Variants in RNF145 observed in about 807,000 individuals in gnomAD.
RNF145 encodes the protein ring finger protein 145.
A neutral mutation model predicts 57.3 loss-of-function variants in RNF145; 12 were observed. The observed-to-expected ratio is 0.21, with a 90% confidence interval of 0.13 to 0.34. The LOEUF (loss-of-function observed/expected upper bound fraction) is 0.34. Ranked by LOEUF, RNF145 falls within the 10% of genes least tolerant of loss-of-function variation. The pLI is 1.00. For synonymous variants in RNF145, 262 were observed against 288.3 expected (o/e 0.91, Z 0.92); for missense variants, 429 against 799.0 (o/e 0.54, Z 5.58).
chr5:159,162,415 G>A (rs1278644372), intron 9 of RNF145, among the ~76,000 whole-genome samples: 1 of 138,688 alleles, frequency 7.2e-6, no homozygotes, highest in Non-Finnish European at 1.5e-5. Flanking sequence ...ATAGGTTTAT[G>A]TAATATTTTC....
intron 1 of RNF145, among the ~76,000 whole-genome samples, chr5:159,204,357 CCT>C (rs1471712932): frequency 6.6e-6 from 1 of 151,790 alleles, no homozygotes; most frequent in Non-Finnish European, 1.5e-5. Flanking sequence ...GTCTGCAGCC[CCT>C]GTCTCTGCAC....
In RNF145 at chr5:159,157,894, T is replaced by A. The variant is rs570135166; in HGVS notation, c.*776A>T. 1 of 152,870 alleles carries A rather than the reference T, an allele frequency of 6.5e-6. No individual in the cohort carries two copies. The highest frequency in any genetic ancestry group is 2.4e-5 in the African/African-American group (1 of 41,566). The allele number at this position is 152,870 out of a possible 1,614,324, so 9.5% of individuals were successfully genotyped here. On this transcript the variant is annotated 3_prime_UTR_variant, in exon 11 of 11. Transcript: ENST00000424310. ...TTTGGTCTCCTTCACTAAAGCAGAC[T>A]CCAAAGTGTTCATCAGAGTTTTAGT...
At position 159,209,505 on chromosome 5, in the gene RNF145, C is replaced by CGGCGGCGGCGGCGGG. The variant is rs1184051017; in HGVS notation, c.-315_-314insCCCGCCGCCGCCGCC. 141 of 833,644 alleles carry CGGCGGCGGCGGCGGG rather than the reference C, an allele frequency of 1.7e-4. No individual in the cohort carries two copies. In the South Asian group the frequency reaches 4.6e-3, roughly 27 times the overall value. 51.6% of individuals were successfully genotyped at this position (833,644 alleles called of 1,614,324 possible). ...GCCCCTTAGCAGCCGGCGCCGGCGT[C>CGGCGGCGGCGGCGGG]GGCGGCCATGGCCTCCTGCGTTTGC... On this transcript the variant is annotated 5_prime_UTR_variant, in exon 1 of 11. Transcript: ENST00000424310.
intron 1 of RNF145, chr5:159,207,691 C>T (rs1283869833): frequency 1.2e-6 from 2 of 1,611,784 alleles, no homozygotes; most frequent in African/African-American, 1.3e-5. Flanking sequence ...TAAGCAATGG[C>T]ACATGTTTTA....
At chr5:159,181,873 T>C in intron 4 of RNF145, 87 bp downstream of exon 4, 1 of 774,352 alleles carries the variant, frequency 1.3e-6, no homozygotes, top group Non-Finnish European at 2.2e-6. Context: ...GAATTCCGTT[T>C]TAAAAAAAAA....
chr5:159,190,262 G>GATCA (rs767357377), intron 3 of RNF145, among the ~76,000 whole-genome samples: 4 of 152,152 alleles, frequency 2.6e-5, no homozygotes, highest in Non-Finnish European at 5.9e-5. Context: ...TCCAACTCTT[G>GATCA]AGCTCAAGCA....
chr5:159,179,892 A>C (rs1046780864), intron 4 of RNF145, among the ~76,000 whole-genome samples: 5 of 152,144 alleles, frequency 3.3e-5, no homozygotes, highest in Non-Finnish European at 7.4e-5. Flanking sequence ...ATAATAACTG[A>C]AACTTTCAAA....
At chr5:159,201,913 T>G (rs973066501) in intron 2 of RNF145, among the ~76,000 whole-genome samples, 2 of 152,226 alleles carry the variant, frequency 1.3e-5, no homozygotes, top group East Asian at 1.9e-4. Context: ...AAGGTGAAAT[T>G]TGATTTGTAT....
intron 7 of RNF145, 113 bp downstream of exon 7, chr5:159,169,566 A>C (rs1203456213): frequency 2.4e-6 from 2 of 846,772 alleles, no homozygotes; most frequent in Non-Finnish European, 3.5e-6. Flanking sequence ...ATTCAAAAAA[A>C]ACCTCTCCAA....
At chr5:159,209,165 G>C (rs1467787864) in intron 1 of RNF145, 66 bp downstream of exon 1, 43 of 642,262 alleles carry the variant, frequency 6.7e-5, no homozygotes, top group Non-Finnish European at 8.1e-5. Flanking sequence ...GGGGAGGGGA[G>C]GGAGGCCGTG....
chr5:159,174,063 A>T lies in RNF145; in HGVS notation c.717T>A (p.Phe239Leu). 1 of 1,613,720 alleles carries T rather than the reference A, an allele frequency of 6.2e-7. No individual in the cohort carries two copies. The highest frequency in any genetic ancestry group is 1.1e-5 in the South Asian group (1 of 91,068). The change falls in exon 6 of 11, where the codon TTT becomes TTA. Residue 239 changes from phenylalanine (F) to leucine (L), a missense_variant. Physicochemically the swap from Phe to Leu is conservative, Grantham distance 22. This residue lies in a region of RNF145 where 216 missense variants were observed against 457.6 expected (regional missense o/e 0.47). Coordinates refer to ENST00000424310, the MANE Select transcript of RNF145 (RefSeq NM_001199383.2). The part of the protein sequence containing the change: ...VLFMVFWLVL[F>L]ALQIYSYFST... ...TGAAATAGGAGTAAATCTGAAGAGC[A>T]AATAAGACGAGCCAGAAAACCATGA...
upstream of RNF145, chr5:159,209,607 C>T: frequency 3.8e-6 from 4 of 1,060,472 alleles, no homozygotes; most frequent in Non-Finnish European, 4.6e-6. Context: ...CCAGCCAGCG[C>T]GGCGCGCCCC....
intron 1 of RNF145, among the ~76,000 whole-genome samples, chr5:159,204,343 T>C (rs963813827): frequency 4.6e-5 from 7 of 151,652 alleles, no homozygotes; most frequent in Admixed American, 6.6e-5. Context: ...ACGCCAGGCA[T>C]TGAGTCTGCA....
chr5:159,183,374 A>G (rs1351052823), intron 3 of RNF145, among the ~76,000 whole-genome samples: 3 of 152,182 alleles, frequency 2.0e-5, no homozygotes, highest in African/African-American at 7.2e-5. Flanking sequence ...CCTAGTGTGT[A>G]AAGGCCAAAG....
chr5:159,202,512 AGCTTACCTCTTAGG>A (rs1785704986), intron 2 of RNF145, among the ~76,000 whole-genome samples: 1 of 152,152 alleles, frequency 6.6e-6, no homozygotes, highest in African/African-American at 2.4e-5. Context: ...TTTCCACAAC[AGCTTACCTCTTAGG>A]GATGTAAGGG....
At chr5:159,188,436 A>ATTTAG (rs1785165931) in intron 3 of RNF145, among the ~76,000 whole-genome samples, 1 of 152,058 alleles carries the variant, frequency 6.6e-6, no homozygotes, top group Non-Finnish European at 1.5e-5. Flanking sequence ...AATTTTAGAA[A>ATTTAG]AAACATCCAT....
chr5:159,169,112 A>T, intron 7 of RNF145, 57 bp from the exon 8 acceptor site: 9 of 1,334,204 alleles, frequency 6.7e-6, no homozygotes, highest in Non-Finnish European at 9.1e-6. Flanking sequence ...CATTTAATTC[A>T]AAGAGAAAAA....
intron 1 of RNF145, among the ~76,000 whole-genome samples, chr5:159,207,024 G>C (rs377103355): frequency 2.0e-5 from 3 of 150,758 alleles, no homozygotes; most frequent in Non-Finnish European, 4.4e-5. Context: ...TAACCAAAAA[G>C]GAGACCTCAA....
At chr5:159,188,324 T>A (rs1785159956) in intron 3 of RNF145, among the ~76,000 whole-genome samples, 1 of 151,936 alleles carries the variant, frequency 6.6e-6, no homozygotes, top group South Asian at 2.1e-4. Flanking sequence ...GAGGCGGAGC[T>A]TGCAGTGAGC....
Sources: allele counts gnomAD v4.1 joint callset (sites outside exome capture counted in the v4.1 genomes callset), GRCh38; gene constraint gnomAD v4.1.1; regional missense constraint gnomAD v4.1.1; transcripts MANE v1.5; gene names NCBI Gene and HGNC (gene_info 2026-07-23, HGNC 2026-07-21).